TAFA1: variants seen among roughly 807,000 people sequenced by gnomAD.
TAFA1 encodes chemokine-like protein TAFA-1.
A neutral mutation model predicts 18.5 loss-of-function variants in TAFA1; 4 were observed. The ratio of observed to expected loss-of-function variants is 0.22; its 90% CI spans 0.11 to 0.49. The LOEUF (loss-of-function observed/expected upper bound fraction) is 0.49. TAFA1 is among the 20% of genes least tolerant of loss of function. TAFA1 has a pLI of 0.98. For synonymous variants in TAFA1, 56 were observed against 55.2 expected (o/e 1.01, Z -0.06); for missense variants, 147 against 169.0 (o/e 0.87, Z 0.72).
At chr3:68,003,483 G>C (rs1419079138), upstream of TAFA1, among the ~76,000 whole-genome samples, 1 of 152,112 alleles carries the variant, frequency 6.6e-6, no homozygotes, top group Non-Finnish European at 1.5e-5. Flanking sequence ...CACATAGTAG[G>C]TGCTTTATAA....
chr3:68,025,680 T>A (rs553757649), intron 2 of TAFA1, among the ~76,000 whole-genome samples: 1 of 152,272 alleles, frequency 6.6e-6, no homozygotes, highest in East Asian at 1.9e-4. Context: ...TAGGCACACA[T>A]CTGTATTCAT....
At chr3:68,127,668 T>C (rs1222583847) in intron 2 of TAFA1, among the ~76,000 whole-genome samples, 1 of 876 alleles carries the variant, frequency 1.1e-3, no homozygotes, top group Non-Finnish European at 2.3e-3. Context: ...GGTGGTGTGA[T>C]GATGGTGGTG....
intron 2 of TAFA1, among the ~76,000 whole-genome samples, chr3:68,092,283 T>C (rs976689393): frequency 6.6e-6 from 1 of 152,166 alleles, no homozygotes; most frequent in Non-Finnish European, 1.5e-5. Context: ...CTGCTGATTC[T>C]AGATTTGGGA....
At chr3:68,511,381 A>G (rs1486322281) in intron 3 of TAFA1, among the ~76,000 whole-genome samples, 1 of 152,152 alleles carries the variant, frequency 6.6e-6, no homozygotes, top group African/African-American at 2.4e-5. Context: ...TAGATTTCTA[A>G]TCATATATTT....
intron 2 of TAFA1, among the ~76,000 whole-genome samples, chr3:68,084,094 A>G (rs2064941443): frequency 6.6e-6 from 1 of 152,118 alleles, no homozygotes; most frequent in Non-Finnish European, 1.5e-5. Flanking sequence ...GGGTACCCTC[A>G]GTTCTGGAGG....
At chr3:68,305,811 G>T (rs888816609) in intron 2 of TAFA1, among the ~76,000 whole-genome samples, 16 of 152,058 alleles carry the variant, frequency 1.1e-4, no homozygotes, top group African/African-American at 3.1e-4. Flanking sequence ...TTCACACCCT[G>T]CTCCACCACT....
intron 2 of TAFA1, among the ~76,000 whole-genome samples, chr3:68,375,064 A>C (rs1343551134): frequency 6.6e-6 from 1 of 152,132 alleles, no homozygotes; most frequent in Non-Finnish European, 1.5e-5. Context: ...GATTTATCAA[A>C]ACCAAATCTT....
At chr3:68,514,736 T>C (rs1456511239) in intron 3 of TAFA1, among the ~76,000 whole-genome samples, 1 of 152,084 alleles carries the variant, frequency 6.6e-6, no homozygotes, top group Non-Finnish European at 1.5e-5. Context: ...AAAAACGTTT[T>C]TTCCCAATAT....
intron 2 of TAFA1, among the ~76,000 whole-genome samples, chr3:68,415,534 A>C (rs1307948740): frequency 6.6e-6 from 1 of 152,152 alleles, no homozygotes; most frequent in Non-Finnish European, 1.5e-5. Flanking sequence ...ATTCCAGAAG[A>C]AACCATATTT....
At chr3:68,320,308 C>T (rs1180941561) in intron 2 of TAFA1, among the ~76,000 whole-genome samples, 1 of 152,156 alleles carries the variant, frequency 6.6e-6, no homozygotes, top group Non-Finnish European at 1.5e-5. Context: ...GGGGTGTGTT[C>T]TGAGTCTTCA....
intron 2 of TAFA1, among the ~76,000 whole-genome samples, chr3:68,168,588 G>A (rs1424821948): frequency 6.6e-6 from 1 of 152,202 alleles, no homozygotes; most frequent in African/African-American, 2.4e-5. Context: ...TTTAGATCCT[G>A]GTAGCAAATT....
intron 3 of TAFA1, among the ~76,000 whole-genome samples, chr3:68,487,912 G>A (rs956733077): frequency 5.9e-5 from 9 of 151,860 alleles, no homozygotes; most frequent in Non-Finnish European, 1.0e-4. Context: ...GCATGTATTG[G>A]AGGGTTTTAC....
At chr3:68,154,742 C>T (rs58410424) in intron 2 of TAFA1, among the ~76,000 whole-genome samples, 139 of 152,240 alleles carry the variant, frequency 9.1e-4, no homozygotes, top group African/African-American at 3.3e-3. Flanking sequence ...TTCTCTCCCT[C>T]AGCTTGAACT....
chr3:68,455,676 A>C (rs1031409169), intron 3 of TAFA1, among the ~76,000 whole-genome samples: 8 of 151,898 alleles, frequency 5.3e-5, no homozygotes, highest in African/African-American at 1.9e-4. Flanking sequence ...TGCCATATAC[A>C]TGATCATTTT....
chr3:68,230,898 G>T lies in TAFA1; in HGVS notation c.119-186382G>T, dbSNP rs994190268. ...GATGTTGAATATTTTTATATCTGTTGACCATTTGTATGTCTTCTTTTGAGA... is the reference window on the plus strand; with the variant it reads ...GATGTTGAATATTTTTATATCTGTTTACCATTTGTATGTCTTCTTTTGAGA... On this transcript the variant is annotated intron_variant, in intron 2 of 4. Coordinates refer to ENST00000478136, the MANE Select transcript of TAFA1 (RefSeq NM_213609.4). 5.3e-5 allele frequency among the ~76,000 whole-genome samples: 8 copies of T among 152,160 alleles called. No homozygotes were observed. The East Asian group carries it at 1.5e-3, about 29-fold the overall frequency.
chr3:68,117,385 T>C (rs925532868), intron 2 of TAFA1, among the ~76,000 whole-genome samples: 53 of 152,184 alleles, frequency 3.5e-4, no homozygotes, highest in African/African-American at 1.2e-3. Context: ...ACAAGTTAAA[T>C]GGAAAGCCAA....
At chr3:68,357,750 A>G (rs2069392799) in intron 2 of TAFA1, among the ~76,000 whole-genome samples, 1 of 151,974 alleles carries the variant, frequency 6.6e-6, no homozygotes, top group Non-Finnish European at 1.5e-5. Flanking sequence ...GTGGACTGAC[A>G]GGGCATTTTT....
intron 2 of TAFA1, among the ~76,000 whole-genome samples, chr3:68,127,983 G>GCTA (rs2065491368): frequency 1.3e-5 from 2 of 152,078 alleles, no homozygotes; most frequent in African/African-American, 4.8e-5. Flanking sequence ...TGGTGATGAT[G>GCTA]ATGGTATTGG....
intron 3 of TAFA1, among the ~76,000 whole-genome samples, chr3:68,519,039 A>C (rs910352148): frequency 2.0e-5 from 3 of 152,230 alleles, no homozygotes; most frequent in African/African-American, 7.2e-5. Flanking sequence ...ATATATATCA[A>C]GGTGGTTGAG....
Sources: allele counts gnomAD v4.1 joint callset (sites outside exome capture counted in the v4.1 genomes callset), GRCh38; gene constraint gnomAD v4.1.1; transcripts MANE v1.5; gene names NCBI Gene and HGNC (gene_info 2026-07-23, HGNC 2026-07-21).